Variants in CNTN4 observed in about 807,000 individuals in gnomAD.
The protein encoded by CNTN4 is contactin 4, also known as contactin-4.
Under a neutral mutation model 122.5 loss-of-function variants are expected in CNTN4, and 77 were observed. The observed-to-expected ratio is 0.63, with a 90% CI of 0.52 to 0.76. The LOEUF (loss-of-function observed/expected upper bound fraction) is 0.76. CNTN4 is among the 30% of genes least tolerant of loss of function. The pLI is 0.00. For missense variants in CNTN4, 1,256 were observed against 1,259.1 expected (o/e 1.00, Z 0.04); for synonymous variants, 512 against 447.0 (o/e 1.15, Z -1.83).
At chr3:2,500,958 T>C (rs1218918274) in intron 3 of CNTN4, among the ~76,000 whole-genome samples, 2 of 152,182 alleles carry the variant, frequency 1.3e-5, no homozygotes, top group African/African-American at 4.8e-5. Context: ...ATGTATAGAT[T>C]GTTAAAATTG....
At chr3:2,198,374 A>G (rs2037944341) in intron 2 of CNTN4, among the ~76,000 whole-genome samples, 2 of 152,180 alleles carry the variant, frequency 1.3e-5, no homozygotes, top group South Asian at 4.1e-4. Context: ...TCAGCTTTCA[A>G]GTTTGTATTA....
chr3:2,722,101 G>C (rs899492725), intron 4 of CNTN4, among the ~76,000 whole-genome samples: 7 of 152,168 alleles, frequency 4.6e-5, no homozygotes, highest in Non-Finnish European at 2.9e-5. Context: ...CCCAGTTTAT[G>C]TTATTTTGTT....
At chr3:2,609,112 C>T (rs1300704510) in intron 4 of CNTN4, among the ~76,000 whole-genome samples, 5 of 152,222 alleles carry the variant, frequency 3.3e-5, no homozygotes, top group Non-Finnish European at 7.3e-5. Context: ...AACACATATG[C>T]TTCATGGGCT....
chr3:2,324,816 G>T (rs1267737388), intron 2 of CNTN4, among the ~76,000 whole-genome samples: 3 of 149,562 alleles, frequency 2.0e-5, no homozygotes, highest in African/African-American at 7.3e-5. Context: ...CCCTCCCCTA[G>T]CCCCCAACTT....
At chr3:2,909,608 G>C (rs1433419503) in intron 12 of CNTN4, among the ~76,000 whole-genome samples, 1 of 152,046 alleles carries the variant, frequency 6.6e-6, no homozygotes, top group Non-Finnish European at 1.5e-5. Flanking sequence ...CTAGGACCCA[G>C]GCATTTTTCC....
intron 3 of CNTN4, among the ~76,000 whole-genome samples, chr3:2,389,412 C>G (rs2046367682): frequency 6.6e-6 from 1 of 151,512 alleles, no homozygotes; most frequent in Non-Finnish European, 1.5e-5. Flanking sequence ...TTATGTTGTT[C>G]TCGAAGAAAG....
intron 6 of CNTN4, among the ~76,000 whole-genome samples, chr3:2,750,602 T>A (rs1004300468): frequency 6.6e-6 from 1 of 152,204 alleles, no homozygotes; most frequent in Non-Finnish European, 1.5e-5. Flanking sequence ...ATTATTGTAA[T>A]GTAATTGGGA....
chr3:2,267,192 C>G (rs1047405852), intron 2 of CNTN4, among the ~76,000 whole-genome samples: 1 of 152,048 alleles, frequency 6.6e-6, no homozygotes, highest in African/African-American at 2.4e-5. Context: ...GTGTCAGCCA[C>G]TGAAAGAACT....
chr3:2,913,253 A>G (rs114399668), intron 12 of CNTN4, among the ~76,000 whole-genome samples: 270 of 152,332 alleles, frequency 1.8e-3, no homozygotes, highest in Non-Finnish European at 3.1e-3. Flanking sequence ...GTAAACACAA[A>G]AGCTACAAGA....
At chr3:2,600,842 C>T (rs571687869) in intron 4 of CNTN4, among the ~76,000 whole-genome samples, 2 of 152,330 alleles carry the variant, frequency 1.3e-5, no homozygotes, top group South Asian at 4.1e-4. Flanking sequence ...TCCTATTTCT[C>T]CACATCCTCT....
intron 6 of CNTN4, among the ~76,000 whole-genome samples, chr3:2,755,625 G>T (rs915880695): frequency 6.6e-6 from 1 of 152,144 alleles, no homozygotes; most frequent in African/African-American, 2.4e-5. Context: ...CTAGTTAATT[G>T]TAGCTATTAT....
At chr3:2,793,239 G>T (rs980986411) in intron 6 of CNTN4, among the ~76,000 whole-genome samples, 1 of 151,886 alleles carries the variant, frequency 6.6e-6, no homozygotes, top group Non-Finnish European at 1.5e-5. Flanking sequence ...TCACGCTTCT[G>T]CTTGTTTCTC....
In CNTN4 at chr3:2,309,636, C is replaced by T. The variant is rs886726835; in HGVS notation, c.-144-29542C>T. On this transcript the variant is annotated intron_variant, in intron 2 of 24. Transcript: ENST00000418658. ...CCTGTTTAGGTAATTGTTGCCATTT[C>T]AGAATGGAGTCCCAGTGATGCTTGG... Among the ~76,000 whole-genome samples, 10 of 152,212 alleles carry T rather than the reference C, an allele frequency of 6.6e-5. No homozygotes were observed. The South Asian group carries it at 2.1e-3, about 32-fold the overall frequency.
chr3:2,490,778 G>T (rs112665715), intron 3 of CNTN4, among the ~76,000 whole-genome samples: 4 of 152,042 alleles, frequency 2.6e-5, no homozygotes, highest in Non-Finnish European at 2.9e-5. Flanking sequence ...TTCAAATCAC[G>T]CCCACCCTTT....
intron 2 of CNTN4, among the ~76,000 whole-genome samples, chr3:2,149,149 G>A (rs1462381978): frequency 6.6e-6 from 1 of 152,132 alleles, no homozygotes; most frequent in Non-Finnish European, 1.5e-5. Flanking sequence ...AAGCTTTTGG[G>A]TCAGCTATTA....
At chr3:2,160,206 C>G (rs2035898223) in intron 2 of CNTN4, among the ~76,000 whole-genome samples, 1 of 152,072 alleles carries the variant, frequency 6.6e-6, no homozygotes, top group Admixed American at 6.5e-5. Context: ...TATAAATATG[C>G]TTTCTTTTGA....
intron 14 of CNTN4, among the ~76,000 whole-genome samples, chr3:2,989,617 T>G (rs560806866): frequency 6.6e-6 from 1 of 152,094 alleles, no homozygotes; most frequent in Non-Finnish European, 1.5e-5. Flanking sequence ...AGATAGAAAA[T>G]TGGAAGTCCA....
At chr3:2,601,292 A>T (rs1021241954) in intron 4 of CNTN4, among the ~76,000 whole-genome samples, 2 of 152,202 alleles carry the variant, frequency 1.3e-5, no homozygotes, top group African/African-American at 4.8e-5. Context: ...TATGTTCTGA[A>T]TGGTATTGCC....
At chr3:2,946,340 T>C (rs2094677943) in intron 13 of CNTN4, among the ~76,000 whole-genome samples, 1 of 152,224 alleles carries the variant, frequency 6.6e-6, no homozygotes, top group Admixed American at 6.5e-5. Flanking sequence ...GTGGGATTTA[T>C]TGGTTTCCCC....
Sources: allele counts gnomAD v4.1 joint callset (sites outside exome capture counted in the v4.1 genomes callset), GRCh38; gene constraint gnomAD v4.1.1; transcripts MANE v1.5; gene names NCBI Gene and HGNC (gene_info 2026-07-23, HGNC 2026-07-21).